The following PDZD2 variants were observed in gnomAD, a reference collection of about 807,000 sequenced individuals.
The protein encoded by PDZD2 is PDZ domain-containing protein 2.
Under a neutral mutation model 220.7 loss-of-function variants are expected in PDZD2, and 90 were observed. The observed-to-expected ratio is 0.41, with a 90% CI of 0.34 to 0.49. The LOEUF (loss-of-function observed/expected upper bound fraction) is 0.49. Ranked by LOEUF, PDZD2 falls within the 20% of genes least tolerant of loss-of-function variation. PDZD2 has a pLI of 0.28. For missense variants in PDZD2, 3,174 were observed against 3,608.5 expected (o/e 0.88, Z 3.08); for synonymous variants, 1,375 against 1,450.5 (o/e 0.95, Z 1.18).
chr5:32,008,003 G>A (rs940546998), intron 5 of PDZD2, among the ~76,000 whole-genome samples: 32 of 152,110 alleles, frequency 2.1e-4, no homozygotes, highest in African/African-American at 7.2e-4. Flanking sequence ...TCCAAATGGA[G>A]TCTGGGCCGG....
At chr5:31,890,135 AT>A (rs59916833) in intron 2 of PDZD2, among the ~76,000 whole-genome samples, 131 of 98,236 alleles carry the variant, frequency 1.3e-3, no homozygotes, top group East Asian at 0.012. Context: ...CTTTTTTGTG[AT>A]TTTTTTTTTT....
In PDZD2 at chr5:31,748,200, G is replaced by C. The variant is rs2150173762; in HGVS notation, c.-360-50689G>C. 2.6e-5 allele frequency: 4 copies of C among 152,258 alleles called. No individual in the cohort carries two copies. The South Asian group carries it at 8.3e-4, about 32-fold the overall frequency. The allele number at this position is 152,258 out of a possible 1,614,324, so 9.4% of individuals were successfully genotyped here. A position where few individuals can be genotyped will look rare whatever the true frequency, so the allele number is the denominator to read the frequency against. The stretch of plus-strand genomic sequence containing the variant: ...TCCCAGACTGAGCAACAAGATATTT[G>C]ATCAGACAAATAATATCCTTGACCT... On this transcript the variant is annotated intron_variant, in intron 1 of 24. Transcript: ENST00000438447.
intron 2 of PDZD2, among the ~76,000 whole-genome samples, chr5:31,979,519 G>A (rs1014517625): frequency 6.6e-6 from 1 of 150,892 alleles, no homozygotes; most frequent in Non-Finnish European, 1.5e-5. Context: ...GCTGGAGGTT[G>A]CAGTGAGCTG....
intron 1 of PDZD2, among the ~76,000 whole-genome samples, chr5:31,746,173 T>C (rs975208498): frequency 6.6e-6 from 1 of 152,222 alleles, no homozygotes; most frequent in East Asian, 1.9e-4. Flanking sequence ...ATCTTGGCTT[T>C]GGCCAAGACA....
chr5:32,062,642 C>T (rs1739801085), intron 14 of PDZD2, among the ~76,000 whole-genome samples: 1 of 152,138 alleles, frequency 6.6e-6, no homozygotes, highest in Non-Finnish European at 1.5e-5. Context: ...CATCCACACA[C>T]CTTGGCCTCC....
intron 11 of PDZD2, 30 bp downstream of exon 11, chr5:32,057,758 C>T (rs1468476504): frequency 1.4e-6 from 2 of 1,476,760 alleles, no homozygotes; most frequent in East Asian, 2.3e-5. Context: ...TCTCCTTTAT[C>T]CTATTTTCCT....
chr5:31,723,026 CT>C (rs1400542776), intron 1 of PDZD2, among the ~76,000 whole-genome samples: 11 of 152,150 alleles, frequency 7.2e-5, no homozygotes. Flanking sequence ...GTTGTTTAAA[CT>C]ATACATCCAG....
intron 14 of PDZD2, among the ~76,000 whole-genome samples, chr5:32,064,632 G>A (rs1226974286): frequency 2.0e-5 from 3 of 152,146 alleles, no homozygotes; most frequent in African/African-American, 7.2e-5. Context: ...TTGTGGTTAA[G>A]TTGTATTTAA....
intron 24 of PDZD2, among the ~76,000 whole-genome samples, chr5:32,104,474 G>A (rs907487532): frequency 1.3e-5 from 2 of 151,400 alleles, no homozygotes; most frequent in African/African-American, 4.9e-5. Flanking sequence ...TGGTGTCTCA[G>A]CCTCCTAAGC....
chr5:32,063,273 G>A (rs2112352789), intron 14 of PDZD2, among the ~76,000 whole-genome samples: 1 of 152,194 alleles, frequency 6.6e-6, no homozygotes, highest in Non-Finnish European at 1.5e-5. Flanking sequence ...TCAAACTCCT[G>A]ACCTCAAGTG....
intron 3 of PDZD2, among the ~76,000 whole-genome samples, chr5:31,987,692 G>A (rs578065801): frequency 1.3e-4 from 20 of 152,144 alleles, no homozygotes; most frequent in South Asian, 1.0e-3. Flanking sequence ...TTCCCATACC[G>A]CTGAACCCAC....
intron 5 of PDZD2, among the ~76,000 whole-genome samples, chr5:32,007,961 C>CTG (rs1752967798): frequency 6.6e-6 from 1 of 152,054 alleles, no homozygotes; most frequent in Non-Finnish European, 1.5e-5. Flanking sequence ...GATCAAAGGG[C>CTG]TGTGTGTTGG....
chr5:31,671,359 G>A (rs1468456324), intron 1 of PDZD2, among the ~76,000 whole-genome samples: 4 of 152,160 alleles, frequency 2.6e-5, no homozygotes, highest in Non-Finnish European at 4.4e-5. Flanking sequence ...TCACTGCTAG[G>A]GCATAGTGTG....
chr5:31,862,746 A>G (rs115856127), intron 2 of PDZD2, among the ~76,000 whole-genome samples: 6,362 of 149,702 alleles, frequency 0.042, 156 homozygotes, highest in Non-Finnish European at 0.054. Context: ...TTTTTTTTCC[A>G]AGATGGAGTG....
chr5:31,751,225 G>A (rs1469335984), intron 1 of PDZD2, among the ~76,000 whole-genome samples: 2 of 142,664 alleles, frequency 1.4e-5, no homozygotes, highest in Non-Finnish European at 1.5e-5. Context: ...TGGGTGACAA[G>A]AGCGAAAGTA....
At chr5:31,885,060 G>T (rs1407337208) in intron 2 of PDZD2, among the ~76,000 whole-genome samples, 1 of 148,448 alleles carries the variant, frequency 6.7e-6, no homozygotes, top group African/African-American at 2.5e-5. Context: ...TGGATTAAGT[G>T]AATACATAAA....
chr5:31,773,456 T>G (rs189376850), intron 1 of PDZD2, among the ~76,000 whole-genome samples: 2 of 142,120 alleles, frequency 1.4e-5, no homozygotes, highest in East Asian at 2.1e-4. Context: ...CTGGCCAACA[T>G]GGCAAAACCC....
intron 2 of PDZD2, among the ~76,000 whole-genome samples, chr5:31,902,280 C>A (rs1742169740): frequency 6.6e-6 from 1 of 152,122 alleles, no homozygotes; most frequent in Non-Finnish European, 1.5e-5. Context: ...TATAGCCAAT[C>A]TAGTGTGTAT....
intron 1 of PDZD2, among the ~76,000 whole-genome samples, chr5:31,765,959 CCAAGGGTT>C (rs535287293): frequency 6.6e-6 from 1 of 152,068 alleles, no homozygotes; most frequent in Non-Finnish European, 1.5e-5. Flanking sequence ...ATCACTTGAA[CCAAGGGTT>C]CAAGGGTTCA....
Sources: allele counts gnomAD v4.1 joint callset (sites outside exome capture counted in the v4.1 genomes callset), GRCh38; gene constraint gnomAD v4.1.1; transcripts MANE v1.5; gene names NCBI Gene and HGNC (gene_info 2026-07-23, HGNC 2026-07-21).